Variants in PCDHA3 observed in about 807,000 individuals in gnomAD.
The protein encoded by PCDHA3 is protocadherin alpha-3.
In PCDHA3, 41 loss-of-function variants were observed where a neutral mutation model predicts 62.2. The ratio of observed to expected loss-of-function variants is 0.66; its 90% CI spans 0.51 to 0.86. The LOEUF (loss-of-function observed/expected upper bound fraction) is 0.86. Ranked by LOEUF, PCDHA3 falls within the 40% of genes least tolerant of loss-of-function variation. The probability of loss-of-function intolerance (pLI) is 0.00; values close to 1 mark genes in which losing one functional copy is unlikely to be tolerated. For missense variants in PCDHA3, 1,304 were observed against 1,241.2 expected (o/e 1.05, Z -0.76); for synonymous variants, 640 against 555.4 (o/e 1.15, Z -2.14).
chr5:140,944,470 A>G (rs1245262998), intron 1 of PCDHA3, among the ~76,000 whole-genome samples: 1 of 152,166 alleles, frequency 6.6e-6, no homozygotes, highest in East Asian at 1.9e-4. Flanking sequence ...TACAGGTATG[A>G]GGCACTGGAC....
At position 140,969,285 on chromosome 5, in the gene PCDHA3, C is replaced by T. The variant is rs782734189; in HGVS notation, c.2395-9664C>T. The stretch of plus-strand genomic sequence containing the variant: ...CTCACAGGCCAAAGTGGTCAGAATG[C>T]TGGGAACCTGATTATTCTCAAAAAT... On this transcript the variant is annotated intron_variant, in intron 1 of 3. Coordinates refer to ENST00000522353, the MANE Select transcript of PCDHA3 (RefSeq NM_018906.3). 51 of 1,614,062 alleles carry T rather than the reference C, an allele frequency of 3.2e-5. No individual in the cohort carries two copies. The highest frequency in any genetic ancestry group is 4.3e-5 in the Non-Finnish European group (51 of 1,180,038).
intron 1 of PCDHA3, chr5:140,927,606 C>T: frequency 6.2e-7 from 1 of 1,614,202 alleles, no homozygotes; most frequent in Non-Finnish European, 8.5e-7. Context: ...GCTCCGTATA[C>T]CGCACCAAGG....
intron 1 of PCDHA3, among the ~76,000 whole-genome samples, chr5:140,940,583 G>A (rs1294741133): frequency 6.6e-6 from 1 of 151,990 alleles, no homozygotes; most frequent in East Asian, 1.9e-4. Flanking sequence ...AAAGTGTTGG[G>A]ATTTCAGGCA....
intron 1 of PCDHA3, chr5:140,928,551 G>A (rs782615304): frequency 2.5e-6 from 4 of 1,614,044 alleles, no homozygotes; most frequent in Non-Finnish European, 2.5e-6. Context: ...ACAATTATCC[G>A]GTTATCTTGT....
At chr5:140,841,138 C>A (rs782232195) in intron 1 of PCDHA3, 1 of 713,754 alleles carries the variant, frequency 1.4e-6, no homozygotes, top group Non-Finnish European at 2.3e-6. Flanking sequence ...TTTGAAGCCA[C>A]ATGATGTCGC....
At chr5:140,927,526 G>T in intron 1 of PCDHA3, 3 of 1,614,086 alleles carry the variant, frequency 1.9e-6, no homozygotes, top group Non-Finnish European at 2.5e-6. Flanking sequence ...CGGGCTACCT[G>T]CCCGCTCAGG....
chr5:140,947,754 G>A (rs1295200380), intron 1 of PCDHA3, among the ~76,000 whole-genome samples: 2 of 151,334 alleles, frequency 1.3e-5, no homozygotes, highest in African/African-American at 2.4e-5. Flanking sequence ...TGTATTTTAT[G>A]GTTTAAAAAA....
intron 1 of PCDHA3, among the ~76,000 whole-genome samples, chr5:140,945,037 T>C (rs2093728945): frequency 6.6e-6 from 1 of 152,178 alleles, no homozygotes; most frequent in Non-Finnish European, 1.5e-5. Context: ...TAATTATCTT[T>C]GGTCTTATAT....
chr5:140,828,214 C>T (rs1161769031), intron 1 of PCDHA3: 8 of 1,614,030 alleles, frequency 5.0e-6, no homozygotes, highest in African/African-American at 4.0e-5. Context: ...AGGCCAAACA[C>T]GGCACCTTCG....
intron 1 of PCDHA3, chr5:140,877,889 GT>G: frequency 6.9e-7 from 1 of 1,458,120 alleles, no homozygotes; most frequent in Non-Finnish European, 9.0e-7. Context: ...AAGAACTTCC[GT>G]TTAGGTTATA....
intron 1 of PCDHA3, chr5:140,876,551 A>C: frequency 6.2e-7 from 1 of 1,614,184 alleles, no homozygotes; most frequent in Non-Finnish European, 8.5e-7. Flanking sequence ...CTCCCTGTGC[A>C]AGAGGATGCT....
Position 140,843,535 on chromosome 5 carries a change from T to G in PCDHA3, c.2394+39944T>G, listed in dbSNP as rs1554140200. On this transcript the variant is annotated intron_variant, in intron 1 of 3. Coordinates refer to ENST00000522353, the MANE Select transcript of PCDHA3 (RefSeq NM_018906.3). ...GCGGGTGCCGGGCGGGCAAGCCCAC[T>G]CTGGTGTGCTCCAGTGCGGTGGGGA... is the stretch of plus-strand genomic sequence containing the variant. The G allele has an allele frequency of 1.9e-6, 3 of 1,595,872 alleles. 1 individual carries two copies. Among genetic ancestry groups the G allele is most frequent in the Non-Finnish European group, 2.6e-6 (3 of 1,165,468 alleles).
chr5:140,984,164 A>G (rs1471799520), intron 3 of PCDHA3, among the ~76,000 whole-genome samples: 1 of 152,208 alleles, frequency 6.6e-6, no homozygotes, highest in Non-Finnish European at 1.5e-5. Context: ...GAACTTCCCA[A>G]AGAAGCCACG....
chr5:140,807,638 C>T (rs1554124171), intron 1 of PCDHA3: 18 of 1,614,074 alleles, frequency 1.1e-5, no homozygotes, highest in Non-Finnish European at 1.4e-5. Flanking sequence ...GCTTGACTCT[C>T]GGTTTCCACT....
chr5:141,003,654 A>G (rs1451170896), intron 3 of PCDHA3, among the ~76,000 whole-genome samples: 1 of 152,212 alleles, frequency 6.6e-6, no homozygotes, highest in Non-Finnish European at 1.5e-5. Flanking sequence ...ATCTGTATGC[A>G]TTTATTAAAA....
chr5:140,854,797 A>G (rs1299295498), intron 1 of PCDHA3: 1 of 149,772 alleles, frequency 6.7e-6, no homozygotes, highest in African/African-American at 2.4e-5. Context: ...TGAGAGAGAA[A>G]AAAATATTTT....
intron 1 of PCDHA3, among the ~76,000 whole-genome samples, chr5:140,949,632 T>C (rs932981591): frequency 2.6e-5 from 4 of 151,894 alleles, no homozygotes; most frequent in Non-Finnish European, 5.9e-5. Flanking sequence ...TCATGGCATA[T>C]TGCTTTTTGT....
intron 1 of PCDHA3, among the ~76,000 whole-genome samples, chr5:140,950,689 A>G (rs1585383013): frequency 2.6e-5 from 4 of 152,212 alleles, no homozygotes; most frequent in Admixed American, 2.6e-4. Flanking sequence ...ATTGTTAACC[A>G]AATTTGACAA....
chr5:140,841,274 C>A, intron 1 of PCDHA3: 1 of 1,518,266 alleles, frequency 6.6e-7, no homozygotes. Flanking sequence ...TACAGTCGTT[C>A]ATCTTTATAT....
Sources: gnomAD v4.1 joint callset for allele counts (sites outside exome capture counted in the v4.1 genomes callset) on GRCh38, gnomAD v4.1.1 for gene constraint, MANE v1.5 for transcripts, NCBI Gene and HGNC (gene_info 2026-07-23, HGNC 2026-07-21) for gene names.